ARHGEF10L: variants seen among roughly 807,000 people sequenced by gnomAD.
ARHGEF10L encodes rho guanine nucleotide exchange factor 10-like protein.
Under a neutral mutation model 141.2 loss-of-function variants are expected in ARHGEF10L, and 69 were observed. That is an observed-to-expected ratio of 0.49 (90% CI 0.40 to 0.60). The LOEUF (loss-of-function observed/expected upper bound fraction) is 0.60. Among genes scored for constraint, ARHGEF10L ranks in the 20% least tolerant of loss-of-function variants. The probability of loss-of-function intolerance (pLI) is 0.00; values close to 1 mark genes in which losing one functional copy is unlikely to be tolerated. For missense variants in ARHGEF10L, 1,482 were observed against 1,734.3 expected, an observed-to-expected ratio of 0.85 and a Z score of 2.58; for synonymous variants, 711 against 718.5, an observed-to-expected ratio of 0.99 and a Z score of 0.17.
chr1:17,620,765 A>G (rs2060065272), intron 10 of ARHGEF10L, among the ~76,000 whole-genome samples: 1 of 152,082 alleles, frequency 6.6e-6, no homozygotes, highest in African/African-American at 2.4e-5. Context: ...CCCGAGATCG[A>G]GAGGGATGGG....
At chr1:17,680,885 G>A (rs1424345455) in intron 26 of ARHGEF10L, among the ~76,000 whole-genome samples, 1 of 151,262 alleles carries the variant, frequency 6.6e-6, no homozygotes, top group Non-Finnish European at 1.5e-5. Flanking sequence ...CCGGGTTCAA[G>A]CGATTCTCCT....
chr1:17,616,196 G>A lies in ARHGEF10L; in HGVS notation c.829G>A (p.Val277Ile), dbSNP rs535420589. The change falls in exon 9 of 29, where the codon GTC becomes ATC. Residue 277 changes from valine (V) to isoleucine (I), a missense_variant. This residue lies in a region of ARHGEF10L where 392 missense variants were observed against 542.1 expected (regional missense o/e 0.72). Coordinates refer to ENST00000361221, the MANE Select transcript of ARHGEF10L (RefSeq NM_018125.4). ...AGTCTCCTTCCTGCACAGGAAGGAC[G>A]TCCTCGGTGAGGCGCTGCCCGAGCG... Reference protein sequence around the residue: ...RKVSFLHRKDVLGDSEEEDMG... With the variant: ...RKVSFLHRKDILGDSEEEDMG... The A allele has an allele frequency of 7.4e-6, 12 of 1,612,310 alleles. No homozygotes were observed. Among genetic ancestry groups the A allele is most frequent in the Non-Finnish European group, 9.3e-6 (11 of 1,179,104 alleles).
chr1:17,517,268 T>C, the ARHGEF10L span, among the ~76,000 whole-genome samples: 1 of 152,200 alleles, frequency 6.6e-6, no homozygotes, highest in Non-Finnish European at 1.5e-5. Context: ...TCCCTCTTTA[T>C]AAAAAAGGGG....
intron 1 of ARHGEF10L, among the ~76,000 whole-genome samples, chr1:17,556,592 A>T (rs1470747894): frequency 6.6e-6 from 1 of 152,156 alleles, no homozygotes; most frequent in Non-Finnish European, 1.5e-5. Context: ...CAGAAGGCGC[A>T]GTGTGTGCGA....
intron 9 of ARHGEF10L, among the ~76,000 whole-genome samples, chr1:17,616,533 C>A (rs999324972): frequency 6.6e-6 from 1 of 152,236 alleles, no homozygotes; most frequent in Non-Finnish European, 1.5e-5. Flanking sequence ...TTCCTGTTCC[C>A]TCCTTCCTTT....
chr1:17,588,433 T>G lies in ARHGEF10L; in HGVS notation c.224-13T>G. On this transcript the variant is annotated splice_polypyrimidine_tract_variant and intron_variant, in intron 3 of 28. Transcript: ENST00000361221. ...CTGGCCTGACAGGCTCTCTGTCTGC[T>G]CTTCTTTTGCAGACCCAGACCCAGC... The G allele has an allele frequency of 1.2e-6, 2 of 1,613,796 alleles. No homozygotes were observed. Among genetic ancestry groups the G allele is most frequent in the South Asian group, 2.2e-5 (2 of 91,042 alleles).
chr1:17,550,414 G>A lies in ARHGEF10L; in HGVS notation c.-44+10464G>A, dbSNP rs183155269. ...TCCCAGCACTTTGGGAGGCCAAGGC[G>A]GGAGGATCACTTGAGGTTGGGAGTT... On this transcript the variant is annotated intron_variant, in intron 1 of 28. Transcript: ENST00000361221. 3.3e-4 allele frequency among the ~76,000 whole-genome samples: 51 copies of A among 152,242 alleles called. No homozygotes were observed. The East Asian group carries it at 7.4e-3, about 22-fold the overall frequency.
intron 21 of ARHGEF10L, among the ~76,000 whole-genome samples, chr1:17,643,863 G>A (rs1423996130): frequency 6.6e-6 from 1 of 152,176 alleles, no homozygotes; most frequent in African/African-American, 2.4e-5. Flanking sequence ...ATTTAGTACA[G>A]GGCCAGGATA....
At chr1:17,566,478 G>A (rs2077760962) in intron 1 of ARHGEF10L, among the ~76,000 whole-genome samples, 2 of 152,232 alleles carry the variant, frequency 1.3e-5, no homozygotes, top group Non-Finnish European at 1.5e-5. Context: ...TACCTTGGGA[G>A]CATCAGTGAT....
At chr1:17,554,353 G>A (rs1389931071) in intron 1 of ARHGEF10L, among the ~76,000 whole-genome samples, 1 of 152,148 alleles carries the variant, frequency 6.6e-6, no homozygotes, top group East Asian at 1.9e-4. Context: ...GGACTTGGGA[G>A]CAGAGAGAGG....
At chr1:17,618,319 A>C in intron 9 of ARHGEF10L, 2 of 1,499,622 alleles carry the variant, frequency 1.3e-6, no homozygotes, top group Non-Finnish European at 1.8e-6. Context: ...AGGCGATATT[A>C]ATAGCCGTGG....
At chr1:17,592,836 G>A (rs1437344441) in intron 4 of ARHGEF10L, among the ~76,000 whole-genome samples, 1 of 152,170 alleles carries the variant, frequency 6.6e-6, no homozygotes, top group Non-Finnish European at 1.5e-5. Flanking sequence ...CATGCGGGAC[G>A]TGAGGCATGG....
At chr1:17,633,227 C>A (rs191506318) in intron 16 of ARHGEF10L, among the ~76,000 whole-genome samples, 11 of 152,242 alleles carry the variant, frequency 7.2e-5, no homozygotes, top group African/African-American at 2.7e-4. Context: ...CTGCTCGCAT[C>A]CCCTGCTTGG....
chr1:17,557,551 G>A (rs1425557000), intron 1 of ARHGEF10L, among the ~76,000 whole-genome samples: 1 of 152,114 alleles, frequency 6.6e-6, no homozygotes, highest in Non-Finnish European at 1.5e-5. Context: ...AACAAAATAG[G>A]AATTCCTGAG....
At chr1:17,670,777 G>T (rs2102268819) in intron 26 of ARHGEF10L, among the ~76,000 whole-genome samples, 1 of 152,378 alleles carries the variant, frequency 6.6e-6, no homozygotes, top group African/African-American at 2.4e-5. Flanking sequence ...TTACAGATGG[G>T]GATGTGGACT....
chr1:17,579,272 C>T (rs761532705), intron 1 of ARHGEF10L, among the ~76,000 whole-genome samples: 5 of 152,190 alleles, frequency 3.3e-5, no homozygotes, highest in Non-Finnish European at 7.3e-5. Context: ...CCGCCCACCT[C>T]AGCCTCCCAA....
rs1298293821 is a variant in ARHGEF10L at position 17,613,050 on chromosome 1, G to A, written c.610-8G>A. ...GCTTTCCTTCTGCCTGGCCGCTTGG[G>A]GCTCCAGCTTTCTCCAGACCTGACT... On this transcript the variant is annotated splice_polypyrimidine_tract_variant and splice_region_variant and intron_variant, in intron 7 of 28. Coordinates refer to ENST00000361221, the MANE Select transcript of ARHGEF10L (RefSeq NM_018125.4). 1.2e-6 allele frequency: 2 copies of A among 1,608,478 alleles called. No individual in the cohort carries two copies. Among genetic ancestry groups the A allele is most frequent in the African/African-American group, 2.7e-5 (2 of 74,764 alleles).
chr1:17,662,935 C>A (rs1278378347), intron 25 of ARHGEF10L, among the ~76,000 whole-genome samples: 1 of 152,096 alleles, frequency 6.6e-6, no homozygotes, highest in African/African-American at 2.4e-5. Flanking sequence ...CTAGCTGTGT[C>A]CTGCCTTCTA....
At chr1:17,670,015 G>T (rs977489515) in intron 26 of ARHGEF10L, among the ~76,000 whole-genome samples, 5 of 152,260 alleles carry the variant, frequency 3.3e-5, no homozygotes, top group Non-Finnish European at 7.3e-5. Flanking sequence ...CAGGATCCCC[G>T]AGCTCGGCTA....
Sources: gnomAD v4.1 joint callset for allele counts (sites outside exome capture counted in the v4.1 genomes callset) on GRCh38, gnomAD v4.1.1 for gene constraint, gnomAD v4.1.1 regional missense constraint, MANE v1.5 for transcripts, NCBI Gene and HGNC (gene_info 2026-07-23, HGNC 2026-07-21) for gene names.